The following NHSL1 variants were observed in gnomAD, a reference collection of about 807,000 sequenced individuals.
NHSL1 encodes NHS like 1.
Under a neutral mutation model 95.0 loss-of-function variants are expected in NHSL1, and 48 were observed. The observed-to-expected ratio is 0.51, with a 90% CI of 0.40 to 0.64. The LOEUF (loss-of-function observed/expected upper bound fraction) is 0.64. NHSL1 is among the 30% of genes least tolerant of loss of function. The pLI, the probability that NHSL1 is intolerant of heterozygous loss-of-function variation, is 0.00. For synonymous variants in NHSL1, 783 were observed against 833.9 expected (o/e 0.94, Z 1.05); for missense variants, 1,971 against 2,077.7 (o/e 0.95, Z 1.00).
At chr6:138,617,177 G>A (rs1784591722) in intron 1 of NHSL1, among the ~76,000 whole-genome samples, 1 of 152,156 alleles carries the variant, frequency 6.6e-6, no homozygotes, top group Non-Finnish European at 1.5e-5. Flanking sequence ...GTGACCACAT[G>A]GCAATGGTGA....
chr6:138,587,732 T>C (rs1784159876), intron 1 of NHSL1, among the ~76,000 whole-genome samples: 1 of 152,240 alleles, frequency 6.6e-6, no homozygotes, highest in African/African-American at 2.4e-5. Flanking sequence ...GCACATCAGA[T>C]GCAAAGCCTG....
At chr6:138,617,204 C>T (rs1018109368) in intron 1 of NHSL1, among the ~76,000 whole-genome samples, 9 of 152,036 alleles carry the variant, frequency 5.9e-5, no homozygotes, top group African/African-American at 2.2e-4. Flanking sequence ...TAGAATGGGA[C>T]TTTTATATCA....
rs143647983 is a variant in NHSL1, at chr6:138,604,444, G to T, written c.96+88032C>A. Among the ~76,000 whole-genome samples, 471 of 152,270 alleles carry T rather than the reference G, an allele frequency of 3.1e-3. 2 individuals carry two copies. Among genetic ancestry groups the T allele is most frequent in the Non-Finnish European group, 5.4e-3 (370 of 68,022 alleles). ...CCTAAAATCCACAGCTTAGGGTTAA[G>T]AAGCCCTGCTCTACAACTAAGAAGC... is the stretch of plus-strand genomic sequence containing the variant. On this transcript the variant is annotated intron_variant, in intron 1 of 3. Transcript: ENST00000491526.
At chr6:138,492,219 G>C (rs917360079) in intron 2 of NHSL1, among the ~76,000 whole-genome samples, 2 of 152,206 alleles carry the variant, frequency 1.3e-5, no homozygotes, top group African/African-American at 4.8e-5. Context: ...CTCATGTGGG[G>C]ATGGGAGCAG....
intron 3 of NHSL1, among the ~76,000 whole-genome samples, chr6:138,468,274 G>A (rs1284848561): frequency 6.6e-6 from 1 of 152,156 alleles, no homozygotes; most frequent in African/African-American, 2.4e-5. Context: ...CCTAGGTTCA[G>A]ATACACAAAT....
chr6:138,654,899 T>C lies in NHSL1; in HGVS notation c.96+37577A>G, dbSNP rs551540768. Among the ~76,000 whole-genome samples the C allele has an allele frequency of 2.0e-5, 3 of 152,318 alleles. No individual in the cohort carries two copies. The South Asian group carries it at 6.2e-4, about 32-fold the overall frequency. ...GAAACCACCCACGCTCTAAGGGGTG[T>C]GCACATGAATGATATGAGTCAGAGG... On this transcript the variant is annotated intron_variant, in intron 1 of 3. Coordinates refer to the NHSL1 transcript ENST00000491526.
chr6:138,432,894 T>C lies in NHSL1; in HGVS notation c.1451A>G (p.Asp484Gly). 1.3e-6 allele frequency: 2 copies of C among 1,551,416 alleles called. No individual in the cohort carries two copies. The highest frequency in any genetic ancestry group is 1.7e-6 in the Non-Finnish European group (2 of 1,146,910). ...TGCGGGTTCACCAGGGGAATGAGGG[T>C]CTAAGTCCTGTGAAAGAATGGTGGC... is the stretch of plus-strand genomic sequence containing the variant. ...GHATILSQDL[D>G]PHSPGEPALL... The change falls in exon 6 of 8, where the codon GAC becomes GGC. Residue 484 changes from aspartate to glycine, a missense_variant. This residue lies in a region of NHSL1 where 1,602 missense variants were observed against 1,654.5 expected (regional missense o/e 0.97). Coordinates refer to ENST00000343505, the MANE Select transcript of NHSL1 (RefSeq NM_001144060.2). This position sits in a 1 kb window ranked among gnomAD's most constrained non-coding sequence, Gnocchi z 4.4.
intron 1 of NHSL1, chr6:138,691,783 T>G (rs1423232531): frequency 2.2e-5 from 9 of 410,164 alleles, no homozygotes; most frequent in Non-Finnish European, 4.9e-6. Context: ...TATCAGGACA[T>G]AGACTTGACT....
chr6:138,573,796 G>T (rs1370208308), upstream of NHSL1, among the ~76,000 whole-genome samples: 21 of 152,178 alleles, frequency 1.4e-4, 1 homozygote, highest in Non-Finnish European at 1.5e-5. Flanking sequence ...ACACAGAGAA[G>T]TCAGTAATGA....
intron 3 of NHSL1, among the ~76,000 whole-genome samples, chr6:138,464,789 T>C (rs1778249447): frequency 6.8e-6 from 1 of 146,016 alleles, no homozygotes; most frequent in Non-Finnish European, 1.5e-5. Flanking sequence ...CTCGGCTCAC[T>C]GCAACCTCTG....
At chr6:138,621,880 GC>G (rs1424923681) in intron 1 of NHSL1, among the ~76,000 whole-genome samples, 1 of 152,232 alleles carries the variant, frequency 6.6e-6, no homozygotes, top group Non-Finnish European at 1.5e-5. Flanking sequence ...TAGCAAGGAG[GC>G]AGCACTAGGT....
At chr6:138,561,516 G>C (rs1783407924) in intron 1 of NHSL1, among the ~76,000 whole-genome samples, 1 of 152,138 alleles carries the variant, frequency 6.6e-6, no homozygotes, top group Non-Finnish European at 1.5e-5. Flanking sequence ...CCCACTCTAG[G>C]AAACGCCCTG....
intron 3 of NHSL1, among the ~76,000 whole-genome samples, chr6:138,470,852 G>T (rs1002625380): frequency 6.6e-6 from 1 of 152,072 alleles, no homozygotes; most frequent in Non-Finnish European, 1.5e-5. Flanking sequence ...CCTGTCAAGG[G>T]TCCCACAGTC....
chr6:138,477,759 G>C (rs1393305978), intron 2 of NHSL1, among the ~76,000 whole-genome samples: 1 of 152,092 alleles, frequency 6.6e-6, no homozygotes, highest in Non-Finnish European at 1.5e-5. Flanking sequence ...GTTTCCCTGG[G>C]AAATAAGAAG....
chr6:138,434,133 T>C (rs1487319350), intron 5 of NHSL1, among the ~76,000 whole-genome samples: 3 of 152,206 alleles, frequency 2.0e-5, no homozygotes, highest in Non-Finnish European at 2.9e-5. Context: ...GATACCATAT[T>C]TGAGGGGTAC....
chr6:138,540,956 C>T (rs149158682), intron 1 of NHSL1, among the ~76,000 whole-genome samples: 5 of 152,216 alleles, frequency 3.3e-5, no homozygotes, highest in African/African-American at 4.8e-5. Context: ...AGAGAGAATG[C>T]GAAACCAGGT....
chr6:138,651,947 C>A (rs942579872), intron 1 of NHSL1, among the ~76,000 whole-genome samples: 4 of 152,092 alleles, frequency 2.6e-5, no homozygotes, highest in African/African-American at 4.8e-5. Flanking sequence ...TAAGTATACT[C>A]AATGTTAATA....
At chr6:138,621,915 T>C (rs1037954872) in intron 1 of NHSL1, among the ~76,000 whole-genome samples, 1 of 152,206 alleles carries the variant, frequency 6.6e-6, no homozygotes, top group Non-Finnish European at 1.5e-5. Flanking sequence ...CTGCCATGTA[T>C]GTGACTTGGA....
chr6:138,528,557 T>C (rs1380637202), intron 1 of NHSL1, among the ~76,000 whole-genome samples: 1 of 152,234 alleles, frequency 6.6e-6, no homozygotes, highest in African/African-American at 2.4e-5. Context: ...TAGACAAATG[T>C]AGGCAGTAAT....
Sources: gnomAD v4.1 joint callset for allele counts (sites outside exome capture counted in the v4.1 genomes callset) on GRCh38, gnomAD v4.1.1 for gene constraint, gnomAD v4.1.1 regional missense constraint, Gnocchi (gnomAD v3.1) non-coding constraint, MANE v1.5 for transcripts, NCBI Gene and HGNC (gene_info 2026-07-23, HGNC 2026-07-21) for gene names.